Variants in DLC1 observed in about 807,000 individuals in gnomAD.
DLC1 encodes the protein rho GTPase-activating protein 7.
Under a neutral mutation model 140.3 loss-of-function variants are expected in DLC1, and 54 were observed. The observed-to-expected ratio is 0.38, with a 90% CI of 0.31 to 0.48. The LOEUF (loss-of-function observed/expected upper bound fraction) is 0.48, where lower values mean the gene tolerates loss of function less well. Ranked by LOEUF, DLC1 falls within the 20% of genes least tolerant of loss-of-function variation. The pLI is 0.96. For missense variants in DLC1, 2,536 were observed against 1,907.0 expected, an observed-to-expected ratio of 1.33 and a Z score of -6.14; for synonymous variants, 986 against 728.1, an observed-to-expected ratio of 1.35 and a Z score of -5.70.
intron 5 of DLC1, among the ~76,000 whole-genome samples, chr8:13,201,423 T>C (rs1230441460): frequency 6.6e-6 from 1 of 152,188 alleles, no homozygotes; most frequent in Non-Finnish European, 1.5e-5. Context: ...ACAAATATTT[T>C]ATACCTTCTG....
chr8:13,273,283 A>T (rs951137237), intron 5 of DLC1, among the ~76,000 whole-genome samples: 2 of 152,224 alleles, frequency 1.3e-5, no homozygotes, highest in Non-Finnish European at 1.5e-5. Flanking sequence ...CACTTCATCC[A>T]GCACAAAGCT....
At chr8:13,539,291 C>G (rs1300839728) in intron 1 of DLC1, among the ~76,000 whole-genome samples, 4 of 152,110 alleles carry the variant, frequency 2.6e-5, no homozygotes, top group Non-Finnish European at 4.4e-5. Flanking sequence ...GCTCTGCCTC[C>G]TGAGTTCACA....
intron 7 of DLC1, among the ~76,000 whole-genome samples, chr8:13,105,356 C>G (rs769374283): frequency 1.3e-5 from 2 of 152,166 alleles, no homozygotes; most frequent in Non-Finnish European, 2.9e-5. Context: ...GTACTGATAT[C>G]AAATCATAGT....
intron 1 of DLC1, among the ~76,000 whole-genome samples, chr8:13,580,031 C>G (rs1805027247): frequency 6.6e-6 from 1 of 152,144 alleles, no homozygotes; most frequent in African/African-American, 2.4e-5. Context: ...ATGCTCTAGG[C>G]TGAGACACAT....
At chr8:13,293,509 A>T (rs1554491170) in intron 5 of DLC1, among the ~76,000 whole-genome samples, 2 of 152,188 alleles carry the variant, frequency 1.3e-5, no homozygotes, top group Non-Finnish European at 2.9e-5. Flanking sequence ...TGCCTGTATG[A>T]GTTGTTTCAT....
chr8:13,374,163 T>C (rs961061140), intron 4 of DLC1, among the ~76,000 whole-genome samples: 1 of 152,152 alleles, frequency 6.6e-6, no homozygotes, highest in Non-Finnish European at 1.5e-5. Flanking sequence ...TTGAAATAGG[T>C]CTCAGAATAA....
chr8:13,306,313 T>C (rs189096441), intron 4 of DLC1, among the ~76,000 whole-genome samples: 4 of 152,304 alleles, frequency 2.6e-5, no homozygotes, highest in Non-Finnish European at 5.9e-5. Context: ...AGTTCTACTG[T>C]TTGTGGATAC....
At chr8:13,333,638 C>T (rs1305930425) in intron 4 of DLC1, among the ~76,000 whole-genome samples, 1 of 152,112 alleles carries the variant, frequency 6.6e-6, no homozygotes, top group East Asian at 1.9e-4. Context: ...AACAGAACTA[C>T]CCTTCATGTG....
intron 2 of DLC1, among the ~76,000 whole-genome samples, chr8:13,497,898 A>G (rs976467458): frequency 2.0e-5 from 3 of 152,216 alleles, no homozygotes; most frequent in Admixed American, 1.3e-4. Context: ...TTTTTGCTGT[A>G]AAGTCTTTGA....
intron 1 of DLC1, among the ~76,000 whole-genome samples, chr8:13,541,139 A>G (rs1039487013): frequency 1.3e-5 from 2 of 152,176 alleles, no homozygotes; most frequent in African/African-American, 2.4e-5. Flanking sequence ...AGTTGTTCAG[A>G]CTTTTTATTG....
chr8:13,420,993 G>T (rs188312160), intron 2 of DLC1, among the ~76,000 whole-genome samples: 3 of 152,204 alleles, frequency 2.0e-5, no homozygotes, highest in Admixed American at 1.3e-4. Flanking sequence ...AGATTATACT[G>T]AGAAACTTGT....
rs544465512 is a variant in DLC1 at position 13,327,164 on chromosome 8, G to A, written c.1315-21862C>T. 5.7e-5 allele frequency among the ~76,000 whole-genome samples: 7 copies of A among 123,676 alleles called. No individual in the cohort carries two copies. The South Asian group carries it at 8.2e-4, about 14-fold the overall frequency. The allele number at this position is 123,676 out of a possible 152,430, so 81.1% of individuals were successfully genotyped here. ...TTTTTTTTGTATTTTTAGCAGAGAC[G>A]GGGTTTCCCCATGTTAGTCAGGATG... On this transcript the variant is annotated intron_variant, in intron 4 of 17. Coordinates refer to ENST00000276297, the MANE Select transcript of DLC1 (RefSeq NM_182643.3).
chr8:13,425,668 CA>C (rs34728001), intron 2 of DLC1, among the ~76,000 whole-genome samples: 147,060 of 151,730 alleles, frequency 0.97, 71,411 homozygotes, highest in East Asian at 1. Flanking sequence ...TGTGTCATAG[CA>C]AAAAAAAAAT....
intron 5 of DLC1, among the ~76,000 whole-genome samples, chr8:13,122,237 A>C (rs1034020822): frequency 3.3e-5 from 5 of 152,204 alleles, no homozygotes; most frequent in African/African-American, 1.2e-4. Flanking sequence ...AGCAAAGACC[A>C]CAGCCTTCAC....
chr8:13,134,324 C>G (rs1822390699), intron 5 of DLC1, among the ~76,000 whole-genome samples: 1 of 152,176 alleles, frequency 6.6e-6, no homozygotes, highest in Non-Finnish European at 1.5e-5. Context: ...TCAACAAATA[C>G]AGAAAGAGCA....
intron 5 of DLC1, among the ~76,000 whole-genome samples, chr8:13,169,148 C>T (rs1825295101): frequency 6.6e-6 from 1 of 152,166 alleles, no homozygotes; most frequent in Non-Finnish European, 1.5e-5. Flanking sequence ...TACTATGTAG[C>T]TCAAGGTTAG....
At chr8:13,316,657 G>A (rs1332007133) in intron 4 of DLC1, among the ~76,000 whole-genome samples, 1 of 152,040 alleles carries the variant, frequency 6.6e-6, no homozygotes, top group African/African-American at 2.4e-5. Context: ...CGATTGCTTG[G>A]AACTGGTTGT....
intron 1 of DLC1, chr8:13,567,460 G>A (rs1804487085): frequency 6.4e-7 from 1 of 1,551,950 alleles, no homozygotes; most frequent in Non-Finnish European, 8.7e-7. Context: ...ATTGGATGTA[G>A]AGGCTTCAGA....
chr8:13,244,622 TCTC>T (rs1218933550), intron 5 of DLC1, among the ~76,000 whole-genome samples: 1 of 151,998 alleles, frequency 6.6e-6, no homozygotes, highest in Non-Finnish European at 1.5e-5. Flanking sequence ...TATCTGCCAC[TCTC>T]CTCCTCCCAC....
Sources: allele counts gnomAD v4.1 joint callset (sites outside exome capture counted in the v4.1 genomes callset), GRCh38; gene constraint gnomAD v4.1.1; transcripts MANE v1.5; gene names NCBI Gene and HGNC (gene_info 2026-07-23, HGNC 2026-07-21).